BTBD17: variants seen among roughly 807,000 people sequenced by gnomAD.
BTBD17 encodes BTB domain containing 17.
In BTBD17, 26 loss-of-function variants were observed where a neutral mutation model predicts 36.9. The ratio of observed to expected loss-of-function variants is 0.70; its 90% CI spans 0.52 to 0.98. The LOEUF (loss-of-function observed/expected upper bound fraction) is 0.98. Ranked by LOEUF, BTBD17 falls within the 50% of genes least tolerant of loss-of-function variation. BTBD17 has a pLI of 0.00. For synonymous variants in BTBD17, 341 were observed against 338.0 expected, an observed-to-expected ratio of 1.01 and a Z score of -0.10; for missense variants, 630 against 691.3, an observed-to-expected ratio of 0.91 and a Z score of 0.99.
At chr17:74,359,924 G>A (rs769161320) in intron 2 of BTBD17, 45 bp downstream of exon 2, 25 of 1,575,428 alleles carry the variant, frequency 1.6e-5, no homozygotes, top group East Asian at 2.3e-5. Flanking sequence ...GGAGCCGGGG[G>A]CTGAGGAAGG....
At position 74,357,838 on chromosome 17, in the gene BTBD17, T is replaced by C; in HGVS notation, c.363-107A>G. The C allele has an allele frequency of 1.1e-6, 1 of 870,954 alleles. No individual in the cohort carries two copies. The highest frequency in any genetic ancestry group is 1.8e-5 in the South Asian group (1 of 54,644). The allele number at this position is 870,954 out of a possible 1,614,324, so 54.0% of individuals were successfully genotyped here. A position where few individuals can be genotyped will look rare whatever the true frequency, so the allele number is the denominator to read the frequency against. On this transcript the variant is annotated intron_variant, in intron 2 of 2. Transcript: ENST00000375366. This position sits in a 1 kb window ranked among gnomAD's most constrained non-coding sequence, Gnocchi z 8.4. ...CCGGCCTGGAGTTGGAGCTTCACTG[T>C]CCGGGTGCAAACACAGTGGAAGCCC...
At chr17:74,358,101 C>T (rs1029062197) in intron 2 of BTBD17, among the ~76,000 whole-genome samples, 1 of 152,108 alleles carries the variant, frequency 6.6e-6, no homozygotes, top group Non-Finnish European at 1.5e-5. Context: ...AGTCACTTAA[C>T]TTCAGTGAAC....
In BTBD17 at chr17:74,356,924, T is replaced by C. The variant is rs2054895453; in HGVS notation, c.1170A>G (p.Arg390=). Reference sequence around the variant, plus strand: ...TGGCCGGCGTCACCACCAGCCGCGGTCGGCCGTCCTCCGGGCGCGCGGCGG... The same window carrying C: ...TGGCCGGCGTCACCACCAGCCGCGGCCGGCCGTCCTCCGGGCGCGCGGCGG... The part of the protein sequence containing the change: ...ALPAARPEDG[R]PRLVVTPASS... Residue 390 remains arginine, a synonymous_variant, in exon 3 of 3, where the codon CGA becomes CGG. Coordinates refer to ENST00000375366, the MANE Select transcript of BTBD17 (RefSeq NM_001080466.2). The surrounding 1 kb of genome is among the most constrained non-coding windows in gnomAD (Gnocchi z 4.3). 2 of 1,401,526 alleles carry C rather than the reference T, an allele frequency of 1.4e-6. No individual in the cohort carries two copies. The highest frequency in any genetic ancestry group is 1.8e-6 in the Non-Finnish European group (2 of 1,090,594). 86.8% of individuals were successfully genotyped at this position (1,401,526 alleles called of 1,614,324 possible).
chr17:74,357,283 G>A lies in BTBD17; in HGVS notation c.811C>T (p.Arg271Cys). Residue 271 changes from arginine to cysteine, a missense_variant, in exon 3 of 3, where the codon CGC becomes TGC. Arg to Cys is a radical substitution (Grantham distance 180, BLOSUM62 -3). Coordinates refer to ENST00000375366, the MANE Select transcript of BTBD17 (RefSeq NM_001080466.2). This position sits in a 1 kb window ranked among gnomAD's most constrained non-coding sequence, Gnocchi z 8.4. ...PPAQLFQLQA[R>C]SAALARHGPA... ...CCGTGGCGCGCCAGGGCTGCCGAGC[G>A]CGCCTGCAGCTGGAACAGCTGTGCC... The A allele has an allele frequency of 1.9e-6, 3 of 1,556,818 alleles. No individual in the cohort carries two copies. Among genetic ancestry groups the A allele is most frequent in the Non-Finnish European group, 1.7e-6 (2 of 1,155,912 alleles).
At position 74,357,391 on chromosome 17, in the gene BTBD17, C is replaced by T; in HGVS notation, c.703G>A (p.Glu235Lys). The T allele has an allele frequency of 6.4e-7, 1 of 1,571,304 alleles. No individual in the cohort carries two copies. Among genetic ancestry groups the T allele is most frequent in the Non-Finnish European group, 8.6e-7 (1 of 1,167,592 alleles). ...QDELELFHAL[E>K]AWLGRARPPP... ...GGCCGCGCGCGACCCAGCCAGGCCTCCAGCGCGTGGAACAGCTCCAGTTCA... is the reference window on the plus strand; with the variant it reads ...GGCCGCGCGCGACCCAGCCAGGCCTTCAGCGCGTGGAACAGCTCCAGTTCA... The change falls in exon 3 of 3, where the codon GAG becomes AAG. Residue 235 changes from glutamate to lysine, a missense_variant. Transcript: ENST00000375366. The surrounding 1 kb of genome is among the most constrained non-coding windows in gnomAD (Gnocchi z 8.4).
chr17:74,357,055 C>A lies in BTBD17; in HGVS notation c.1039G>T (p.Gly347Cys). The A allele has an allele frequency of 6.5e-7, 1 of 1,531,744 alleles. No individual in the cohort carries two copies. Among genetic ancestry groups the A allele is most frequent in the South Asian group, 1.2e-5 (1 of 82,870 alleles). 94.9% of individuals were successfully genotyped at this position (1,531,744 alleles called of 1,614,324 possible). A position where few individuals can be genotyped will look rare whatever the true frequency, so the allele number is the denominator to read the frequency against. The change falls in exon 3 of 3, where the codon GGC becomes TGC. Residue 347 changes from glycine (G) to cysteine (C), a missense_variant. Gly to Cys is a radical substitution (Grantham distance 159). Coordinates refer to ENST00000375366, the MANE Select transcript of BTBD17 (RefSeq NM_001080466.2). This position sits in a 1 kb window ranked among gnomAD's most constrained non-coding sequence, Gnocchi z 8.4. ...TSFQTQLGPS[G>C]HDAGRRVTWN... ...GTGACCCGGCGGCCCGCGTCGTGGC[C>A]ACTCGGGCCCAGCTGCGTCTGGAAG...
At chr17:74,362,153 A>C (rs2054944850), upstream of BTBD17, among the ~76,000 whole-genome samples, 1 of 152,206 alleles carries the variant, frequency 6.6e-6, no homozygotes, top group Admixed American at 6.5e-5. Context: ...GGCTCTCTGC[A>C]GAATAGGCGA....
rs1358195833 is a variant in BTBD17 at position 74,361,736 on chromosome 17, T to C, written c.84A>G (p.Ala28=). The C allele has an allele frequency of 3.7e-6, 6 of 1,612,818 alleles. No homozygotes were observed. In the East Asian group the frequency reaches 1.1e-4, roughly 30 times the overall value. The change falls in exon 1 of 3, where the codon GCA becomes GCG. Residue 28 remains alanine, a splice_region_variant and synonymous_variant. Transcript: ENST00000375366. ...GCACCTGGCCCACTGCCCGCTCACC[T>C]GCATGGGTGACCAGGCCCACCAAGG... ...MLTLVGLVTH[A]AQRADVGGEA... is the part of the protein sequence containing the mutation.
At chr17:74,362,218 C>T (rs1323897939), upstream of BTBD17, among the ~76,000 whole-genome samples, 2 of 152,230 alleles carry the variant, frequency 1.3e-5, no homozygotes, top group Admixed American at 6.5e-5. Flanking sequence ...TTCCCTCCCC[C>T]AACCCCAGGC....
At chr17:74,358,655 G>A (rs2054914952) in intron 2 of BTBD17, among the ~76,000 whole-genome samples, 1 of 151,782 alleles carries the variant, frequency 6.6e-6, no homozygotes, top group Non-Finnish European at 1.5e-5. Flanking sequence ...TACTGTTGGT[G>A]ATCACTTCTG....
upstream of BTBD17, among the ~76,000 whole-genome samples, chr17:74,362,791 T>C (rs1469127701): frequency 6.6e-6 from 1 of 152,220 alleles, no homozygotes; most frequent in Non-Finnish European, 1.5e-5. Context: ...TAATTTTTCC[T>C]TTTCCAGGCT....
At chr17:74,359,943 C>A (rs1231106665) in intron 2 of BTBD17, 26 bp downstream of exon 2, 1 of 1,593,742 alleles carries the variant, frequency 6.3e-7, no homozygotes, top group East Asian at 2.2e-5. Flanking sequence ...GGGATGAAGC[C>A]ATCCCCTAGT....
At chr17:74,362,060 A>C, upstream of BTBD17, 1 of 480,982 alleles carries the variant, frequency 2.1e-6, no homozygotes, top group Non-Finnish European at 3.7e-6. Flanking sequence ...GTGGGCCCCC[A>C]AGGGGAACAG....
chr17:74,361,265 A>C (rs8072807), intron 1 of BTBD17, among the ~76,000 whole-genome samples: 25,558 of 152,190 alleles, frequency 0.17, 2,329 homozygotes, highest in Middle Eastern at 0.22. Flanking sequence ...TCGCAGAGGG[A>C]GGCGGGCGGG....
At position 74,356,611 on chromosome 17, in the gene BTBD17, C is replaced by T. The variant is rs760630181; in HGVS notation, c.*46G>A. 4 of 1,413,638 alleles carry T rather than the reference C, an allele frequency of 2.8e-6. No individual in the cohort carries two copies. The highest frequency in any genetic ancestry group is 1.5e-5 in the African/African-American group (1 of 67,800). The allele number at this position is 1,413,638 out of a possible 1,614,324, so 87.6% of individuals were successfully genotyped here. A position where few individuals can be genotyped will look rare whatever the true frequency, so the allele number is the denominator to read the frequency against. On this transcript the variant is annotated 3_prime_UTR_variant, in exon 3 of 3. Transcript: ENST00000375366. The surrounding 1 kb of genome is among the most constrained non-coding windows in gnomAD (Gnocchi z 4.3). Reference sequence around the variant, plus strand: ...CCAGGCTCGCCTTGCCCTTCCCAGACCCACAGGGACCACCTAGGCCAGGCC... The same window carrying T: ...CCAGGCTCGCCTTGCCCTTCCCAGATCCACAGGGACCACCTAGGCCAGGCC...
Position 74,357,328 on chromosome 17 carries a change from G to C in BTBD17, c.766C>G (p.Arg256Gly), listed in dbSNP as rs763444790. The change falls in exon 3 of 3, where the codon CGC (arginine) becomes GGC (glycine). Residue 256 changes from arginine (R) to glycine (G), a missense_variant. Physicochemically the swap from Arg to Gly is moderately radical, Grantham distance 125. Transcript: ENST00000375366. The surrounding 1 kb of genome is among the most constrained non-coding windows in gnomAD (Gnocchi z 8.4). ...TGTGCCGGTGGGATCATGGGGTAGCGTATGGCGCGCAGCGCCCGCTCGGCC... is the reference window on the plus strand; with the variant it reads ...TGTGCCGGTGGGATCATGGGGTAGCCTATGGCGCGCAGCGCCCGCTCGGCC... ...AVAERALRAI[R>G]YPMIPPAQLF... is the part of the protein sequence containing the mutation. 6.4e-7 allele frequency: 1 copy of C among 1,555,490 alleles called. No homozygotes were observed. The highest frequency in any genetic ancestry group is 1.4e-5 in the African/African-American group (1 of 72,288).
upstream of BTBD17, among the ~76,000 whole-genome samples, chr17:74,362,519 G>A (rs377580339): frequency 2.0e-5 from 3 of 152,280 alleles, no homozygotes; most frequent in Admixed American, 6.5e-5. Flanking sequence ...TGTGACTGTC[G>A]CCTCCCCCAG....
At chr17:74,358,318 C>G (rs2054912404) in intron 2 of BTBD17, among the ~76,000 whole-genome samples, 2 of 152,156 alleles carry the variant, frequency 1.3e-5, no homozygotes, top group South Asian at 2.1e-4. Flanking sequence ...TAGCAAGACC[C>G]TATCTCTACA....
Position 74,361,831 on chromosome 17 carries a change from GC to G in BTBD17, c.-13del. 1 of 1,611,448 alleles carries G rather than the reference GC, an allele frequency of 6.2e-7. No individual in the cohort carries two copies. Among genetic ancestry groups the G allele is most frequent in the Non-Finnish European group, 8.5e-7 (1 of 1,177,940 alleles). On this transcript the variant is annotated 5_prime_UTR_variant, in exon 1 of 3. Transcript: ENST00000375366. The stretch of plus-strand genomic sequence containing the variant: ...CCTCTCCTAGGCATCTTTATGCTCA[GC>G]CCCCAAGTCCACTGGAGGGACGGTG...
Sources: gnomAD v4.1 joint callset for allele counts (sites outside exome capture counted in the v4.1 genomes callset) on GRCh38, gnomAD v4.1.1 for gene constraint, Gnocchi (gnomAD v3.1) non-coding constraint, MANE v1.5 for transcripts, NCBI Gene and HGNC (gene_info 2026-07-23, HGNC 2026-07-21) for gene names.